Variants in CRIM1 observed in about 807,000 individuals in gnomAD.
The protein encoded by CRIM1 is cysteine-rich motor neuron 1 protein.
CRIM1 carries 32 observed loss-of-function variants against 116.4 expected under a neutral mutation model. The observed-to-expected ratio is 0.27, with a 90% CI of 0.21 to 0.37. The LOEUF is 0.37. CRIM1 is among the 10% of genes least tolerant of loss of function. The probability of loss-of-function intolerance (pLI) is 1.00; values close to 1 mark genes in which losing one functional copy is unlikely to be tolerated. For synonymous variants in CRIM1, 590 were observed against 509.2 expected (o/e 1.16, Z -2.13); for missense variants, 1,331 against 1,354.8 (o/e 0.98, Z 0.28).
intron 8 of CRIM1, among the ~76,000 whole-genome samples, chr2:36,502,757 C>G (rs1348017818): frequency 6.6e-6 from 1 of 152,192 alleles, no homozygotes; most frequent in Admixed American, 6.5e-5. Flanking sequence ...TATGTTCACA[C>G]CAGAGTAGAG....
chr2:36,495,333 C>G (rs576695769), intron 7 of CRIM1, among the ~76,000 whole-genome samples: 2 of 152,248 alleles, frequency 1.3e-5, no homozygotes, highest in African/African-American at 4.8e-5. Flanking sequence ...ATTCAAAGCA[C>G]TGTTGCATAG....
At chr2:36,478,428 A>G (rs1014031162) in intron 6 of CRIM1, among the ~76,000 whole-genome samples, 1 of 152,200 alleles carries the variant, frequency 6.6e-6, no homozygotes, top group Admixed American at 6.5e-5. Flanking sequence ...TTGTCTGGGC[A>G]TGGATCCAGT....
chr2:36,478,124 T>C (rs1679127825), intron 6 of CRIM1, among the ~76,000 whole-genome samples: 2 of 152,244 alleles, frequency 1.3e-5, no homozygotes. Context: ...ATTTGAGCAA[T>C]ATTTACAACA....
At chr2:36,457,624 C>G (rs1479074319) in intron 4 of CRIM1, among the ~76,000 whole-genome samples, 1 of 152,072 alleles carries the variant, frequency 6.6e-6, no homozygotes, top group Non-Finnish European at 1.5e-5. Context: ...AGTAGTAAAT[C>G]TCTTATGGTG....
chr2:36,497,715 C>A (rs1022193278), intron 7 of CRIM1, among the ~76,000 whole-genome samples: 9 of 152,162 alleles, frequency 5.9e-5, no homozygotes, highest in Non-Finnish European at 1.0e-4. Context: ...TCACTTGATA[C>A]ATATTTTTAC....
chr2:36,547,853 C>CTAAT (rs757233321), intron 16 of CRIM1, among the ~76,000 whole-genome samples: 8 of 152,202 alleles, frequency 5.3e-5, no homozygotes, highest in Non-Finnish European at 1.2e-4. Context: ...CCTTCCAACT[C>CTAAT]TAATTCTACC....
chr2:36,533,121 T>A (rs1258392117), intron 13 of CRIM1, among the ~76,000 whole-genome samples: 1 of 152,190 alleles, frequency 6.6e-6, no homozygotes, highest in East Asian at 1.9e-4. Flanking sequence ...TAGATTATGC[T>A]GTTTCCCCCA....
Position 36,517,418 on chromosome 2 carries a change from C to T in CRIM1, c.2082C>T (p.Asn694=), listed in dbSNP as rs1277786927. The T allele has an allele frequency of 6.2e-7, 1 of 1,614,206 alleles. No homozygotes were observed. The highest frequency in any genetic ancestry group is 1.7e-5 in the Admixed American group (1 of 60,032). ...GEYFVEGETW[N]IDSCTQCTCH... is the part of the protein sequence containing the mutation. ...ACTTTGTGGAAGGAGAAACGTGGAA[C>T]ATTGACTCCTGTACTCAGTGCACCT... Residue 694 remains asparagine, a synonymous_variant, in exon 12 of 17, where the codon AAC becomes AAT. Transcript: ENST00000280527.
intron 10 of CRIM1, among the ~76,000 whole-genome samples, chr2:36,513,009 C>T (rs1391953070): frequency 6.6e-6 from 1 of 152,202 alleles, no homozygotes; most frequent in Non-Finnish European, 1.5e-5. Context: ...TTATGTTGTA[C>T]TTGTCAGCAT....
At chr2:36,528,142 G>A (rs747489439) in intron 13 of CRIM1, among the ~76,000 whole-genome samples, 5 of 152,238 alleles carry the variant, frequency 3.3e-5, no homozygotes, top group Non-Finnish European at 5.9e-5. Flanking sequence ...TGCTGCTCTC[G>A]TAACACAGAT....
intron 1 of CRIM1, among the ~76,000 whole-genome samples, chr2:36,358,674 G>A (rs375789770): frequency 5.9e-5 from 9 of 151,992 alleles, no homozygotes; most frequent in African/African-American, 2.2e-4. Flanking sequence ...AGGGTTTGTT[G>A]ACATGATTAT....
rs1318557548 is a variant in CRIM1 at position 36,356,972 on chromosome 2, A to G, written c.331+349A>G. On this transcript the variant is annotated intron_variant, in intron 1 of 16. Transcript: ENST00000280527. The surrounding 1 kb of genome is among the most constrained non-coding windows in gnomAD (Gnocchi z 4.3). ...GGGCGCCGCGGGCGGGGGGCACTGC[A>G]GATTCTGCCGCGCGCGAGCCCCTCG... Among the ~76,000 whole-genome samples, 1 of 152,036 alleles carries G rather than the reference A, an allele frequency of 6.6e-6. No homozygotes were observed. Among genetic ancestry groups the G allele is most frequent in the African/African-American group, 2.4e-5 (1 of 41,418 alleles).
At chr2:36,529,155 G>A (rs1665952663) in intron 13 of CRIM1, 3 of 471,220 alleles carry the variant, frequency 6.4e-6, no homozygotes, top group African/African-American at 2.0e-5. Context: ...TGGTCCAGGA[G>A]GCCAAACCTG....
At chr2:36,367,692 A>G (rs1282625609) in intron 1 of CRIM1, among the ~76,000 whole-genome samples, 1 of 152,178 alleles carries the variant, frequency 6.6e-6, no homozygotes, top group Non-Finnish European at 1.5e-5. Context: ...CAGGTGCTGT[A>G]GACAGAAGGG....
rs1267467371 is a variant in CRIM1, at chr2:36,377,302, C to A, written c.332-19312C>A. On this transcript the variant is annotated intron_variant, in intron 1 of 16. Coordinates refer to ENST00000280527, the MANE Select transcript of CRIM1 (RefSeq NM_016441.3). Reference sequence around the variant, plus strand: ...CCTGTATGACTAGCACACATTGCATCCACTTGCCAAGGAGTGTTAGGGATA... The same window carrying A: ...CCTGTATGACTAGCACACATTGCATACACTTGCCAAGGAGTGTTAGGGATA... Among the ~76,000 whole-genome samples, 11 of 152,340 alleles carry A rather than the reference C, an allele frequency of 7.2e-5. No homozygotes were observed. In the South Asian group the frequency reaches 2.3e-3, roughly 32 times the overall value.
intron 8 of CRIM1, among the ~76,000 whole-genome samples, chr2:36,501,211 G>T (rs1558375182): frequency 6.6e-6 from 1 of 152,158 alleles, no homozygotes; most frequent in South Asian, 2.1e-4. Context: ...TAATTACCAT[G>T]GCTCAGAGAC....
chr2:36,372,893 T>A (rs1670034755), intron 1 of CRIM1, among the ~76,000 whole-genome samples: 1 of 152,204 alleles, frequency 6.6e-6, no homozygotes, highest in African/African-American at 2.4e-5. Context: ...TTGTCCATAA[T>A]GAACAGTGGC....
In CRIM1 at chr2:36,419,219, C is replaced by G. The variant is rs187383705; in HGVS notation, c.506-22039C>G. 1.2e-3 allele frequency among the ~76,000 whole-genome samples: 185 copies of G among 152,238 alleles called. 1 individual carries two copies. Among genetic ancestry groups the G allele is most frequent in the African/African-American group, 4.3e-3 (180 of 41,518 alleles). On this transcript the variant is annotated intron_variant, in intron 2 of 16. Transcript: ENST00000280527. ...ATAAAGGAGGCTTTTATTATTAGGA[C>G]AACATGGTAATTTGGTTGAGAGAGG...
In CRIM1 at chr2:36,474,979, C is replaced by T. The variant is rs769566842; in HGVS notation, c.992-1910C>T. ...TATATATCTATCCCTGTGGCAGTAC[C>T]ACATAGTCTTGATTACTATAGCATT... On this transcript the variant is annotated intron_variant, in intron 5 of 16. Transcript: ENST00000280527. Among the ~76,000 whole-genome samples the T allele has an allele frequency of 2.2e-4, 34 of 152,046 alleles. 1 individual carries two copies. Among genetic ancestry groups the T allele is most frequent in the Middle Eastern group, 3.2e-3 (1 of 316 alleles).
Sources: gnomAD v4.1 joint callset for allele counts (sites outside exome capture counted in the v4.1 genomes callset) on GRCh38, gnomAD v4.1.1 for gene constraint, Gnocchi (gnomAD v3.1) non-coding constraint, MANE v1.5 for transcripts, NCBI Gene and HGNC (gene_info 2026-07-23, HGNC 2026-07-21) for gene names.